CAMTA1: variants seen among roughly 807,000 people sequenced by gnomAD.
The protein encoded by CAMTA1 is calmodulin binding transcription activator 1.
In CAMTA1, 27 loss-of-function variants were observed where a neutral mutation model predicts 170.9. The ratio of observed to expected loss-of-function variants is 0.16; its 90% confidence interval spans 0.12 to 0.22. The LOEUF (loss-of-function observed/expected upper bound fraction) is 0.22, where lower values mean the gene tolerates loss of function less well. CAMTA1 is among the 10% of genes least tolerant of loss of function. CAMTA1 has a pLI of 1.00. For missense variants in CAMTA1, 1,619 were observed against 2,217.2 expected, an observed-to-expected ratio of 0.73 and a Z score of 5.42; for synonymous variants, 833 against 891.5, an observed-to-expected ratio of 0.93 and a Z score of 1.17.
At chr1:6,969,826 G>A (rs1480916007) in intron 3 of CAMTA1, among the ~76,000 whole-genome samples, 7 of 152,282 alleles carry the variant, frequency 4.6e-5, no homozygotes, top group Non-Finnish European at 7.4e-5. Flanking sequence ...TATTATTACA[G>A]GAATTTGCAA....
Position 7,411,332 on chromosome 1 carries a change from A to G in CAMTA1, c.439-56498A>G, listed in dbSNP as rs12042370. Among the ~76,000 whole-genome samples the G allele has an allele frequency of 7.2e-4, 110 of 152,268 alleles. 2 individuals carry two copies. The East Asian group carries it at 0.018, about 26-fold the overall frequency. On this transcript the variant is annotated intron_variant, in intron 5 of 22. Transcript: ENST00000303635. ...CTGACGCAGGATGTTTCAGCGTCCTATAAGAGACCATCCTGGCCAACATGG... is the reference window on the plus strand; with the variant it reads ...CTGACGCAGGATGTTTCAGCGTCCTGTAAGAGACCATCCTGGCCAACATGG...
At position 7,131,528 on chromosome 1, in the gene CAMTA1, T is replaced by C. The variant is rs1047726330; in HGVS notation, c.302+40157T>C. 1.8e-4 allele frequency among the ~76,000 whole-genome samples: 27 copies of C among 151,750 alleles called. 1 individual carries two copies. The highest frequency in any genetic ancestry group is 3.1e-4 in the Non-Finnish European group (21 of 67,938). ...GGGTCAAGGATCGTCTTTTCTTTTT[T>C]TTTTTTTTTTCTTGCTGTGGCTACC... On this transcript the variant is annotated intron_variant, in intron 4 of 22. Coordinates refer to ENST00000303635, the MANE Select transcript of CAMTA1 (RefSeq NM_015215.4).
In CAMTA1 at chr1:7,547,491, T is replaced by C. The variant is rs2094713168; in HGVS notation, c.510+79590T>C. 6.6e-6 allele frequency among the ~76,000 whole-genome samples: 1 copy of C among 152,206 alleles called. No individual in the cohort carries two copies. Among genetic ancestry groups the C allele is most frequent in the African/African-American group, 2.4e-5 (1 of 41,438 alleles). ...AATTGCATTTGTACCAAACATATTTTTTTCTTATGATTATTCCCTAAATAA... is the reference window on the plus strand; with the variant it reads ...AATTGCATTTGTACCAAACATATTTCTTTCTTATGATTATTCCCTAAATAA... On this transcript the variant is annotated intron_variant, in intron 6 of 22. Coordinates refer to ENST00000303635, the MANE Select transcript of CAMTA1 (RefSeq NM_015215.4). The surrounding 1 kb of genome is among the most constrained non-coding windows in gnomAD (Gnocchi z 5.7).
At chr1:7,188,239 T>C (rs1466684692) in intron 4 of CAMTA1, among the ~76,000 whole-genome samples, 1 of 152,096 alleles carries the variant, frequency 6.6e-6, no homozygotes, top group Non-Finnish European at 1.5e-5. Flanking sequence ...GAGATTTGGG[T>C]GGGGACAGAA....
At chr1:6,852,986 T>TAACTCGGGAAAGTCCAAGA (rs70984027) in intron 3 of CAMTA1, 1 of 152,050 alleles carries the variant, frequency 6.6e-6, no homozygotes, top group Admixed American at 6.5e-5. Context: ...CTTACTACCG[T>TAACTCGGGAAAGTCCAAGA]GTTTCAGGGC....
At chr1:7,052,346 C>T (rs1706538682) in intron 3 of CAMTA1, among the ~76,000 whole-genome samples, 1 of 152,022 alleles carries the variant, frequency 6.6e-6, no homozygotes, top group Non-Finnish European at 1.5e-5. Flanking sequence ...CCTCCTTGTT[C>T]AGCGACTCAT....
chr1:7,211,514 T>A (rs554562395), intron 4 of CAMTA1, among the ~76,000 whole-genome samples: 1 of 152,248 alleles, frequency 6.6e-6, no homozygotes, highest in Non-Finnish European at 1.5e-5. Flanking sequence ...TACATTCTTT[T>A]GTATAAGGAT....
At chr1:7,175,736 C>T (rs1409374646) in intron 4 of CAMTA1, among the ~76,000 whole-genome samples, 2 of 152,218 alleles carry the variant, frequency 1.3e-5, no homozygotes, top group African/African-American at 4.8e-5. Context: ...TGTCCCTGGC[C>T]GAGGCTTCTC....
intron 3 of CAMTA1, among the ~76,000 whole-genome samples, chr1:6,940,220 A>G (rs1244192720): frequency 1.3e-5 from 2 of 152,228 alleles, no homozygotes; most frequent in Admixed American, 1.3e-4. Flanking sequence ...GGAGGCTGAG[A>G]AGTCCCATGA....
rs147199991 is a variant in CAMTA1 at position 7,142,025 on chromosome 1, C to G, written c.302+50654C>G. On this transcript the variant is annotated intron_variant, in intron 4 of 22. Transcript: ENST00000303635. ...TTCCTGATGTCTTGGCTGCTCCCAC[C>G]TCACGCTAGCTTCCTCTGTGCTGGG... The G allele has an allele frequency of 1.5e-3, 730 of 501,356 alleles. 3 individuals carry two copies. The highest frequency in any genetic ancestry group is 0.013 in the African/African-American group (680 of 51,582). 31.1% of individuals were successfully genotyped at this position (501,356 alleles called of 1,614,324 possible).
Position 7,397,626 on chromosome 1 carries a change from T to C in CAMTA1, c.439-70204T>C, listed in dbSNP as rs183224187. Among the ~76,000 whole-genome samples, 14 of 152,240 alleles carry C rather than the reference T, an allele frequency of 9.2e-5. No homozygotes were observed. In the East Asian group the frequency reaches 2.1e-3, roughly 23 times the overall value. On this transcript the variant is annotated intron_variant, in intron 5 of 22. Transcript: ENST00000303635. ...TTTTATTTGAGATCTTTCTACTTTT[T>C]TGATATAGGCATTTATTGCTATAAA...
intron 4 of CAMTA1, among the ~76,000 whole-genome samples, chr1:7,204,473 T>C (rs1293689450): frequency 2.0e-5 from 3 of 152,224 alleles, no homozygotes; most frequent in Non-Finnish European, 4.4e-5. Context: ...GTTTCTCCCA[T>C]TGTTTTTCTG....
At chr1:7,486,868 C>G (rs1378093313) in intron 6 of CAMTA1, among the ~76,000 whole-genome samples, 1 of 152,188 alleles carries the variant, frequency 6.6e-6, no homozygotes, top group Non-Finnish European at 1.5e-5. Flanking sequence ...CCCCTGGATA[C>G]AGAAGCGGCG....
intron 3 of CAMTA1, among the ~76,000 whole-genome samples, chr1:6,862,488 T>G (rs1665121115): frequency 6.6e-6 from 1 of 152,236 alleles, no homozygotes. Context: ...AGGTGTAAAA[T>G]CTGAGAGCCA....
At chr1:6,978,020 G>A (rs1027452023) in intron 3 of CAMTA1, among the ~76,000 whole-genome samples, 1 of 152,088 alleles carries the variant, frequency 6.6e-6, no homozygotes, top group Non-Finnish European at 1.5e-5. Flanking sequence ...AGTTAAACAC[G>A]TGGAGGTAGA....
At chr1:7,431,291 C>A (rs541062222) in intron 5 of CAMTA1, among the ~76,000 whole-genome samples, 1 of 152,196 alleles carries the variant, frequency 6.6e-6, no homozygotes, top group African/African-American at 2.4e-5. Context: ...AGGAGCCTGG[C>A]CAGGAAGCTT....
At chr1:7,147,118 ACACT>A (rs1272892038) in intron 4 of CAMTA1, among the ~76,000 whole-genome samples, 1 of 152,070 alleles carries the variant, frequency 6.6e-6, no homozygotes, top group Non-Finnish European at 1.5e-5. Context: ...ACACAAACAC[ACACT>A]CAAATATATA....
chr1:7,322,056 T>A (rs2149688380), intron 5 of CAMTA1, among the ~76,000 whole-genome samples: 1 of 152,254 alleles, frequency 6.6e-6, no homozygotes, highest in Non-Finnish European at 1.5e-5. Context: ...CCTGGAAGAT[T>A]TGGAAGAGTC....
intron 3 of CAMTA1, among the ~76,000 whole-genome samples, chr1:6,830,072 T>C (rs1392039069): frequency 1.2e-4 from 18 of 151,976 alleles, no homozygotes; most frequent in African/African-American, 3.9e-4. Flanking sequence ...AGTCTCGCTC[T>C]GTCGCCCAGG....
Sources: gnomAD v4.1 joint callset for allele counts (sites outside exome capture counted in the v4.1 genomes callset) on GRCh38, gnomAD v4.1.1 for gene constraint, Gnocchi (gnomAD v3.1) non-coding constraint, MANE v1.5 for transcripts, NCBI Gene and HGNC (gene_info 2026-07-23, HGNC 2026-07-21) for gene names.